ZFYVE28: variants seen among roughly 807,000 people sequenced by gnomAD.
The protein encoded by ZFYVE28 is lateral signaling target protein 2 homolog.
A neutral mutation model predicts 82.1 loss-of-function variants in ZFYVE28; 40 were observed. That is an observed-to-expected ratio of 0.49 (90% CI 0.38 to 0.63). The LOEUF (loss-of-function observed/expected upper bound fraction) is 0.63, where lower values mean the gene tolerates loss of function less well. Ranked by LOEUF, ZFYVE28 falls within the 30% of genes least tolerant of loss-of-function variation. The pLI, the probability that ZFYVE28 is intolerant of heterozygous loss-of-function variation, is 0.00. For missense variants in ZFYVE28, 1,321 were observed against 1,242.1 expected, an observed-to-expected ratio of 1.06 and a Z score of -0.96; for synonymous variants, 612 against 546.1, an observed-to-expected ratio of 1.12 and a Z score of -1.68.
In ZFYVE28 at chr4:2,320,139, C is replaced by CCAA; in HGVS notation, c.803+30_803+31insTTG. The CCAA allele has an allele frequency of 1.3e-6, 2 of 1,544,008 alleles. No individual in the cohort carries two copies. The highest frequency in any genetic ancestry group is 1.8e-6 in the Non-Finnish European group (2 of 1,116,936). On this transcript the variant is annotated intron_variant, in intron 7 of 12. Coordinates refer to ENST00000290974, the MANE Select transcript of ZFYVE28 (RefSeq NM_020972.3). This position sits in a 1 kb window ranked among gnomAD's most constrained non-coding sequence, Gnocchi z 5.1. ...ACCTGTGGCCCTCCTGTCCCCCTCC[C>CCAA]CTCCCCCACCTCCTCTAGCTCCATC...
chr4:2,288,376 G>A (rs1160215458), intron 8 of ZFYVE28, among the ~76,000 whole-genome samples: 1 of 152,254 alleles, frequency 6.6e-6, no homozygotes, highest in Non-Finnish European at 1.5e-5. Flanking sequence ...CAGTGAGGGG[G>A]TGGGCCAGGT....
chr4:2,318,124 G>C (rs1307001830), intron 7 of ZFYVE28, among the ~76,000 whole-genome samples: 1 of 152,216 alleles, frequency 6.6e-6, no homozygotes, highest in African/African-American at 2.4e-5. Context: ...TGGGAAGCCT[G>C]GGCCCTGGAC....
chr4:2,412,209 C>A (rs534094247), intron 1 of ZFYVE28, among the ~76,000 whole-genome samples: 10 of 152,204 alleles, frequency 6.6e-5, no homozygotes, highest in African/African-American at 2.4e-4. Flanking sequence ...CCCACTGAGA[C>A]GCTTTCACTC....
intron 8 of ZFYVE28, among the ~76,000 whole-genome samples, chr4:2,293,536 G>A (rs528903709): frequency 5.9e-5 from 9 of 152,140 alleles, no homozygotes; most frequent in South Asian, 4.2e-4. Flanking sequence ...GGTGGATCAC[G>A]AGGTCAGGAG....
chr4:2,327,854 G>T (rs1232472380), intron 6 of ZFYVE28, among the ~76,000 whole-genome samples: 1 of 152,228 alleles, frequency 6.6e-6, no homozygotes, highest in Admixed American at 6.5e-5. Context: ...TAAAGCCACA[G>T]TGAGATATCA....
chr4:2,335,397 T>C lies in ZFYVE28; in HGVS notation c.701+308A>G, dbSNP rs746162795. ...TGACCCCTGTGTGACCCTCATGGTC[T>C]CCTGTGACTAATGAGCTCACCTGTG... On this transcript the variant is annotated intron_variant, in intron 6 of 12. Transcript: ENST00000290974. This position sits in a 1 kb window ranked among gnomAD's most constrained non-coding sequence, Gnocchi z 5.8. 2.6e-5 allele frequency among the ~76,000 whole-genome samples: 4 copies of C among 152,170 alleles called. No homozygotes were observed. Among genetic ancestry groups the C allele is most frequent in the Non-Finnish European group, 5.9e-5 (4 of 68,032 alleles).
chr4:2,356,376 G>C (rs1229657676), intron 1 of ZFYVE28, among the ~76,000 whole-genome samples: 1 of 151,584 alleles, frequency 6.6e-6, no homozygotes, highest in Non-Finnish European at 1.5e-5. Context: ...CTGGGACACA[G>C]CCCAGAGCAA....
chr4:2,413,204 G>A (rs1374755152), intron 1 of ZFYVE28, among the ~76,000 whole-genome samples: 3 of 152,230 alleles, frequency 2.0e-5, no homozygotes, highest in Admixed American at 1.3e-4. Flanking sequence ...CAAAGCGCAG[G>A]AAATGAGACG....
intron 6 of ZFYVE28, chr4:2,330,195 G>T: frequency 1.2e-6 from 1 of 832,712 alleles, no homozygotes; most frequent in Non-Finnish European, 1.4e-6. Flanking sequence ...GAAATTTGTG[G>T]TGATGGCTGC....
chr4:2,269,831 T>C lies in ZFYVE28; in HGVS notation c.*894A>G, dbSNP rs951005391. On this transcript the variant is annotated 3_prime_UTR_variant, in exon 13 of 13. Coordinates refer to ENST00000290974, the MANE Select transcript of ZFYVE28 (RefSeq NM_020972.3). ...CGTCATTGCAATGTGAAGCCTGAGATTTAAGCCTGAGGAGGTGTCCGCTGG... is the reference window on the plus strand; with the variant it reads ...CGTCATTGCAATGTGAAGCCTGAGACTTAAGCCTGAGGAGGTGTCCGCTGG... 2 of 152,140 alleles carry C rather than the reference T, an allele frequency of 1.3e-5. No individual in the cohort carries two copies. Among genetic ancestry groups the C allele is most frequent in the African/African-American group, 2.4e-5 (1 of 41,420 alleles). 9.4% of individuals were successfully genotyped at this position (152,140 alleles called of 1,614,324 possible). A position where few individuals can be genotyped will look rare whatever the true frequency, so the allele number is the denominator to read the frequency against.
rs1403548917 is a variant in ZFYVE28, at chr4:2,396,078, G to A, written c.39+22207C>T. Among the ~76,000 whole-genome samples, 7 of 119,508 alleles carry A rather than the reference G, an allele frequency of 5.9e-5. 1 individual carries two copies. The highest frequency in any genetic ancestry group is 2.2e-4 in the African/African-American group (7 of 31,730). 78.4% of individuals were successfully genotyped at this position (119,508 alleles called of 152,430 possible). ...TATCCTGCAGAGGGGACCCAAGGCG[G>A]GGGTGTCTGAGCTGATGGGACCAGC... On this transcript the variant is annotated intron_variant, in intron 1 of 12. Transcript: ENST00000290974.
At chr4:2,354,201 CT>C in intron 1 of ZFYVE28, 128 bp from the exon 2 acceptor site, 1 of 1,042,634 alleles carries the variant, frequency 9.6e-7, no homozygotes, top group Non-Finnish European at 1.3e-6. Flanking sequence ...GCAGCCGGCT[CT>C]TTTATCAGCT....
chr4:2,365,230 C>T (rs1462525590), intron 1 of ZFYVE28, among the ~76,000 whole-genome samples: 6 of 151,922 alleles, frequency 3.9e-5, no homozygotes. Flanking sequence ...ACGCGGGGTT[C>T]GAGAGCGCAG....
intron 2 of ZFYVE28, among the ~76,000 whole-genome samples, chr4:2,343,968 A>C (rs746137733): frequency 1.3e-5 from 2 of 152,226 alleles, no homozygotes; most frequent in Non-Finnish European, 2.9e-5. Flanking sequence ...AAGATGGAGT[A>C]ATAGGAACCC....
chr4:2,313,045 CAAATAAAT>C (rs1199649550), intron 7 of ZFYVE28, among the ~76,000 whole-genome samples: 1 of 150,282 alleles, frequency 6.7e-6, no homozygotes. Flanking sequence ...GACTCTGTCT[CAAATAAAT>C]AAATAAATAG....
intron 6 of ZFYVE28, chr4:2,328,888 T>A (rs935730019): frequency 2.5e-6 from 1 of 404,940 alleles, no homozygotes; most frequent in African/African-American, 2.0e-5. Context: ...GACTGTTCTT[T>A]CCTTATTGAA....
At position 2,408,989 on chromosome 4, in the gene ZFYVE28, C is replaced by G. The variant is rs888733792; in HGVS notation, c.39+9296G>C. 9.8e-5 allele frequency among the ~76,000 whole-genome samples: 15 copies of G among 152,306 alleles called. No individual in the cohort carries two copies. The highest frequency in any genetic ancestry group is 3.1e-4 in the African/African-American group (13 of 41,554). On this transcript the variant is annotated intron_variant, in intron 1 of 12. Transcript: ENST00000290974. The surrounding 1 kb of genome is among the most constrained non-coding windows in gnomAD (Gnocchi z 4.3). ...CACCTTCTCTCTTGCCAGCTCAGTA[C>G]TTTTAAAAATGTTTTTGTGATTTTA... is the stretch of plus-strand genomic sequence containing the variant.
Position 2,270,776 on chromosome 4 carries a change from G to A in ZFYVE28, c.2613C>T (p.His871=), listed in dbSNP as rs1735833933. 1 of 1,613,180 alleles carries A rather than the reference G, an allele frequency of 6.2e-7. No homozygotes were observed. The highest frequency in any genetic ancestry group is 1.7e-5 in the Admixed American group (1 of 60,008). ...GQVKPVRVCT[H]CYMFHVTPFY... ...AGGGCGTGACATGGAACATGTAGCA[G>A]TGGGTGCACACTCGGACCGGCTTCA... Residue 871 remains histidine, a synonymous_variant, in exon 13 of 13, where the codon CAC becomes CAT. Coordinates refer to ENST00000290974, the MANE Select transcript of ZFYVE28 (RefSeq NM_020972.3).
chr4:2,349,116 T>C lies in ZFYVE28; in HGVS notation c.180+4817A>G, dbSNP rs116348821. The stretch of plus-strand genomic sequence containing the variant: ...CCAAAGTCTCTTTCAGTGCTATAGA[T>C]AATTATAACTCTCAAATAGCTATGG... On this transcript the variant is annotated intron_variant, in intron 2 of 12. Coordinates refer to ENST00000290974, the MANE Select transcript of ZFYVE28 (RefSeq NM_020972.3). 5.9e-3 allele frequency among the ~76,000 whole-genome samples: 895 copies of C among 152,242 alleles called. 7 individuals are homozygous for C. Among genetic ancestry groups the C allele is most frequent in the African/African-American group, 0.02 (840 of 41,526 alleles).
Sources: gnomAD v4.1 joint callset for allele counts (sites outside exome capture counted in the v4.1 genomes callset) on GRCh38, gnomAD v4.1.1 for gene constraint, Gnocchi (gnomAD v3.1) non-coding constraint, MANE v1.5 for transcripts, NCBI Gene and HGNC (gene_info 2026-07-23, HGNC 2026-07-21) for gene names.